BORCS5: variants seen among roughly 807,000 people sequenced by gnomAD.
The protein encoded by BORCS5 is BLOC-1-related complex subunit 5.
Under a neutral mutation model 22.1 loss-of-function variants are expected in BORCS5, and 17 were observed. That is an observed-to-expected ratio of 0.77 (90% confidence interval 0.53 to 1.15). The LOEUF (loss-of-function observed/expected upper bound fraction) is 1.15, where lower values mean the gene tolerates loss of function less well. Ranked by LOEUF, BORCS5 falls within the 50% of genes most tolerant of loss-of-function variation. The probability of loss-of-function intolerance (pLI) is 0.00; values close to 1 mark genes in which losing one functional copy is unlikely to be tolerated. For missense variants in BORCS5, 247 were observed against 253.2 expected (o/e 0.98, Z 0.17); for synonymous variants, 117 against 99.8 (o/e 1.17, Z -1.03).
chr12:12,424,331 G>C lies in BORCS5; in HGVS notation c.203-11297G>C, dbSNP rs80022232. 2.0e-3 allele frequency among the ~76,000 whole-genome samples: 310 copies of C among 152,160 alleles called. 2 individuals are homozygous for C. The highest frequency in any genetic ancestry group is 7.2e-3 in the African/African-American group (298 of 41,498). ...TGCTCAAATCTGCCTTTGAATCCCT[G>C]CATTGAATTTTTCGTATCAGTTATT... On this transcript the variant is annotated intron_variant, in intron 2 of 3. Coordinates refer to ENST00000314565, the MANE Select transcript of BORCS5 (RefSeq NM_058169.6).
At chr12:12,453,286 A>G (rs530337538) in intron 3 of BORCS5, among the ~76,000 whole-genome samples, 18 of 152,340 alleles carry the variant, frequency 1.2e-4, no homozygotes, top group African/African-American at 3.8e-4. Context: ...TAAAGGTTCA[A>G]GGAAATTGCT....
At chr12:12,395,017 T>C (rs561732487) in intron 2 of BORCS5, among the ~76,000 whole-genome samples, 1 of 152,148 alleles carries the variant, frequency 6.6e-6, no homozygotes, top group South Asian at 2.1e-4. Flanking sequence ...AGGTGGACCA[T>C]AGTCATAGGA....
At chr12:12,410,351 TG>T (rs1445781841) in intron 2 of BORCS5, among the ~76,000 whole-genome samples, 27 of 152,266 alleles carry the variant, frequency 1.8e-4, no homozygotes, top group Non-Finnish European at 1.8e-4. Context: ...AGGGTTTTTA[TG>T]GTTTTAGGTC....
chr12:12,374,088 C>T (rs548558351), intron 2 of BORCS5, among the ~76,000 whole-genome samples: 25 of 147,232 alleles, frequency 1.7e-4, no homozygotes, highest in African/African-American at 3.6e-4. Flanking sequence ...CCCGGGTTCA[C>T]GCCATTCTCC....
At chr12:12,360,296 A>C (rs1169781602) in intron 1 of BORCS5, among the ~76,000 whole-genome samples, 1 of 152,162 alleles carries the variant, frequency 6.6e-6, no homozygotes, top group Non-Finnish European at 1.5e-5. Flanking sequence ...CAGGAGGCGG[A>C]GGTTGCAGTG....
chr12:12,425,534 T>C (rs1942264778), intron 2 of BORCS5, among the ~76,000 whole-genome samples: 1 of 152,248 alleles, frequency 6.6e-6, no homozygotes, highest in South Asian at 2.1e-4. Flanking sequence ...GTTTGGATAA[T>C]AGCCATCCTA....
intron 2 of BORCS5, among the ~76,000 whole-genome samples, chr12:12,397,644 A>T (rs1941381072): frequency 6.6e-6 from 1 of 152,224 alleles, no homozygotes; most frequent in South Asian, 2.1e-4. Context: ...ATTGTCGAAC[A>T]CATTTTAAGA....
intron 2 of BORCS5, among the ~76,000 whole-genome samples, chr12:12,415,118 A>G (rs1383151642): frequency 1.3e-5 from 2 of 151,156 alleles, no homozygotes; most frequent in Non-Finnish European, 3.0e-5. Context: ...GGGGCCAGGC[A>G]GAGACGCTCC....
At chr12:12,461,576 G>C (rs1008112905) in intron 3 of BORCS5, among the ~76,000 whole-genome samples, 2 of 152,144 alleles carry the variant, frequency 1.3e-5, no homozygotes, top group Non-Finnish European at 2.9e-5. Context: ...TCTCAGGCCT[G>C]GTCTCCTCTT....
At chr12:12,358,402 C>A (rs1011199593) in intron 1 of BORCS5, among the ~76,000 whole-genome samples, 1 of 152,220 alleles carries the variant, frequency 6.6e-6, no homozygotes, top group South Asian at 2.1e-4. Context: ...TAGTTCAGAC[C>A]TACATTCTGG....
intron 2 of BORCS5, among the ~76,000 whole-genome samples, chr12:12,418,262 T>A (rs939301014): frequency 7.9e-5 from 12 of 151,270 alleles, no homozygotes; most frequent in Non-Finnish European, 1.6e-4. Context: ...ATGGTCTCAA[T>A]CTCCTGACCT....
At chr12:12,448,442 T>C (rs1210764995) in intron 3 of BORCS5, among the ~76,000 whole-genome samples, 1 of 152,080 alleles carries the variant, frequency 6.6e-6, no homozygotes, top group Non-Finnish European at 1.5e-5. Context: ...CTCGAACTCC[T>C]GACCTCAGTT....
chr12:12,445,570 C>G (rs1484493040), intron 3 of BORCS5, among the ~76,000 whole-genome samples: 1 of 115,910 alleles, frequency 8.6e-6, no homozygotes, highest in African/African-American at 3.2e-5. Flanking sequence ...GATGGGTAGG[C>G]TCCATCTTCA....
chr12:12,416,060 C>A (rs1941942917), intron 2 of BORCS5, among the ~76,000 whole-genome samples: 1 of 152,062 alleles, frequency 6.6e-6, no homozygotes, highest in Non-Finnish European at 1.5e-5. Context: ...GGTTCTAGTT[C>A]TGTGTTTCTA....
intron 3 of BORCS5, among the ~76,000 whole-genome samples, chr12:12,445,526 TACC>T (rs1565922931): frequency 9.9e-6 from 1 of 101,130 alleles, no homozygotes; most frequent in African/African-American, 4.1e-5. Flanking sequence ...CAATTTGAAA[TACC>T]TTTTTTTTTT....
At chr12:12,463,302 C>T (rs2136163379) in intron 3 of BORCS5, among the ~76,000 whole-genome samples, 1 of 152,312 alleles carries the variant, frequency 6.6e-6, no homozygotes, top group Admixed American at 6.5e-5. Flanking sequence ...CCATCCTTTT[C>T]CAGATAGTCC....
At chr12:12,443,650 G>C (rs1392013540) in intron 3 of BORCS5, among the ~76,000 whole-genome samples, 9 of 152,246 alleles carry the variant, frequency 5.9e-5, no homozygotes, top group Admixed American at 5.2e-4. Context: ...TGGAAATGTA[G>C]GCTTGTGTTT....
chr12:12,370,870 TG>T (rs1863511550), intron 2 of BORCS5, among the ~76,000 whole-genome samples: 1 of 152,032 alleles, frequency 6.6e-6, no homozygotes, highest in Non-Finnish European at 1.5e-5. Flanking sequence ...TGCCTCAGCC[TG>T]CCGAGTAGCT....
chr12:12,441,734 A>T (rs1004773139), intron 3 of BORCS5, among the ~76,000 whole-genome samples: 93 of 150,916 alleles, frequency 6.2e-4, no homozygotes, highest in African/African-American at 2.3e-3. Context: ...TTTTTTTTTT[A>T]AGCCCACTGT....
Sources: allele counts gnomAD v4.1 joint callset (sites outside exome capture counted in the v4.1 genomes callset), GRCh38; gene constraint gnomAD v4.1.1; transcripts MANE v1.5; gene names NCBI Gene and HGNC (gene_info 2026-07-23, HGNC 2026-07-21).